The following CORIN variants were observed in gnomAD, a reference collection of about 807,000 sequenced individuals.
The protein encoded by CORIN is atrial natriuretic peptide-converting enzyme.
Under a neutral mutation model 125.3 loss-of-function variants are expected in CORIN, and 117 were observed. The observed-to-expected ratio is 0.93, with a 90% confidence interval of 0.80 to 1.09. CORIN has a LOEUF of 1.09. CORIN is among the 50% of genes least tolerant of loss of function. The pLI is 0.00. For synonymous variants in CORIN, 450 were observed against 466.4 expected, an observed-to-expected ratio of 0.96 and a Z score of 0.45; for missense variants, 1,253 against 1,306.7, an observed-to-expected ratio of 0.96 and a Z score of 0.63.
intron 5 of CORIN, among the ~76,000 whole-genome samples, chr4:47,697,933 T>C (rs1726095586): frequency 6.6e-6 from 1 of 151,976 alleles, no homozygotes; most frequent in South Asian, 2.1e-4. Context: ...ACTGGAGATA[T>C]AACACACGCC....
chr4:47,788,982 C>T (rs1029535245), intron 2 of CORIN, among the ~76,000 whole-genome samples: 1 of 152,118 alleles, frequency 6.6e-6, no homozygotes. Flanking sequence ...TTTCCTTTAT[C>T]ATTTTAACCA....
At chr4:47,802,640 G>A (rs1308557795) in intron 2 of CORIN, among the ~76,000 whole-genome samples, 1 of 152,194 alleles carries the variant, frequency 6.6e-6, no homozygotes, top group Admixed American at 6.5e-5. Context: ...ACTTCAATCC[G>A]TGGCTCCAAG....
chr4:47,666,615 T>C (rs1009299426), intron 10 of CORIN, among the ~76,000 whole-genome samples: 6 of 152,108 alleles, frequency 3.9e-5, no homozygotes, highest in Non-Finnish European at 8.8e-5. Flanking sequence ...TGGGAGGTGA[T>C]GAGGTTTCAA....
rs532369486 is a variant in CORIN, at chr4:47,674,654, G to A, written c.1250-154C>T. The stretch of plus-strand genomic sequence containing the variant: ...AAAGTATTGAACGTACGTTGAATAG[G>A]TGCTTTCTGGATTCATTTTCCTGGT... On this transcript the variant is annotated intron_variant, in intron 9 of 21. Transcript: ENST00000273857. 9.7e-4 allele frequency among the ~76,000 whole-genome samples: 147 copies of A among 152,262 alleles called. 2 individuals are homozygous for A. Among genetic ancestry groups the A allele is most frequent in the African/African-American group, 3.2e-3 (132 of 41,556 alleles).
intron 19 of CORIN, among the ~76,000 whole-genome samples, chr4:47,607,326 T>C (rs765000821): frequency 3.0e-4 from 45 of 151,490 alleles, no homozygotes; most frequent in Non-Finnish European, 5.6e-4. Context: ...GAGAATGGCG[T>C]GAACCCGGGA....
At chr4:47,821,105 T>G (rs905902167) in intron 1 of CORIN, among the ~76,000 whole-genome samples, 2 of 151,888 alleles carry the variant, frequency 1.3e-5, no homozygotes, top group Non-Finnish European at 2.9e-5. Flanking sequence ...TGTGGTGACG[T>G]GTGCTTGTAG....
chr4:47,630,879 T>C (rs1722777768), intron 16 of CORIN, among the ~76,000 whole-genome samples: 1 of 152,070 alleles, frequency 6.6e-6, no homozygotes, highest in Non-Finnish European at 1.5e-5. Context: ...AATCTGTCTC[T>C]CTACCAAGAT....
chr4:47,656,020 CA>C lies in CORIN; in HGVS notation c.1736-2361del, dbSNP rs556267622. Among the ~76,000 whole-genome samples, 250 of 152,002 alleles carry C rather than the reference CA, an allele frequency of 1.6e-3. 2 individuals are homozygous for C. The highest frequency in any genetic ancestry group is 5.4e-3 in the African/African-American group (224 of 41,476). ...GTATTACCCTGAAACCAAAGCTAGA[CA>C]AAGACACATCAAAAAAAAGAAAACT... On this transcript the variant is annotated intron_variant, in intron 12 of 21. Transcript: ENST00000273857.
At chr4:47,680,398 A>T in intron 7 of CORIN, 147 bp from the exon 8 acceptor site, 1 of 595,694 alleles carries the variant, frequency 1.7e-6, no homozygotes. Flanking sequence ...GGCCCAATTA[A>T]AATGCCACGC....
At position 47,748,834 on chromosome 4, in the gene CORIN, T is replaced by C. The variant is rs575493288; in HGVS notation, c.618-4251A>G. On this transcript the variant is annotated intron_variant, in intron 4 of 21. Transcript: ENST00000273857. ...CTTAACTTTTGATTTTGAACTACTGTTAAACTTACAGAAAAGTTATAAAAA... is the reference window on the plus strand; with the variant it reads ...CTTAACTTTTGATTTTGAACTACTGCTAAACTTACAGAAAAGTTATAAAAA... Among the ~76,000 whole-genome samples, 25 of 152,302 alleles carry C rather than the reference T, an allele frequency of 1.6e-4. No homozygotes were observed. The South Asian group carries it at 5.0e-3, about 30-fold the overall frequency.
In CORIN at chr4:47,679,368, T is replaced by TCTC. The variant is rs1491481152; in HGVS notation, c.1132+772_1132+773insGAG. On this transcript the variant is annotated intron_variant, in intron 8 of 21. Transcript: ENST00000273857. ...ATTTATATTATTACTACGTTCTCTC[T>TCTC]TTTTTTTTTTTTAAAGATGGAGTTT... Among the ~76,000 whole-genome samples, 263 of 46,004 alleles carry TCTC rather than the reference T, an allele frequency of 5.7e-3. 1 individual carries two copies. Among genetic ancestry groups the TCTC allele is most frequent in the African/African-American group, 0.011 (245 of 22,978 alleles). 30.2% of individuals were successfully genotyped at this position (46,004 alleles called of 152,430 possible).
chr4:47,605,364 T>A (rs1721609286), intron 19 of CORIN, among the ~76,000 whole-genome samples: 1 of 152,096 alleles, frequency 6.6e-6, no homozygotes, highest in Non-Finnish European at 1.5e-5. Context: ...CCTCAACAAG[T>A]ACCTATTTAA....
chr4:47,770,949 G>C (rs572440900), intron 3 of CORIN, among the ~76,000 whole-genome samples: 1 of 152,028 alleles, frequency 6.6e-6, no homozygotes, highest in African/African-American at 2.4e-5. Context: ...AAGATCAAGC[G>C]ACCTATTGTA....
At chr4:47,613,684 C>T (rs1334676163) in intron 19 of CORIN, among the ~76,000 whole-genome samples, 2 of 150,774 alleles carry the variant, frequency 1.3e-5, no homozygotes, top group African/African-American at 2.4e-5. Flanking sequence ...TGGAAATCAT[C>T]ATTCTCAGTA....
chr4:47,667,172 CCAT>C (rs1724518004), intron 10 of CORIN, among the ~76,000 whole-genome samples: 1 of 152,202 alleles, frequency 6.6e-6, no homozygotes, highest in African/African-American at 2.4e-5. Context: ...TTGTCTGCCA[CCAT>C]GTGAGACGTG....
rs184317037 is a variant in CORIN at position 47,718,156 on chromosome 4, C to T, written c.800-25073G>A. Among the ~76,000 whole-genome samples, 62 of 152,290 alleles carry T rather than the reference C, an allele frequency of 4.1e-4. No individual in the cohort carries two copies. In the East Asian group the frequency reaches 9.4e-3, roughly 23 times the overall value. ...CACAAAGCACTATCTCATTAGACTT[C>T]GTTTCCAAAAGTCTATTTTCTTTCC... is the stretch of plus-strand genomic sequence containing the variant. On this transcript the variant is annotated intron_variant, in intron 5 of 21. Coordinates refer to ENST00000273857, the MANE Select transcript of CORIN (RefSeq NM_006587.4).
intron 6 of CORIN, among the ~76,000 whole-genome samples, chr4:47,687,184 T>A (rs1413041702): frequency 6.6e-6 from 1 of 152,166 alleles, no homozygotes; most frequent in Non-Finnish European, 1.5e-5. Context: ...ATCTGTTACT[T>A]CCCTAAGGTC....
At chr4:47,769,893 C>A (rs1729938994) in intron 3 of CORIN, among the ~76,000 whole-genome samples, 1 of 151,968 alleles carries the variant, frequency 6.6e-6, no homozygotes, top group Admixed American at 6.6e-5. Flanking sequence ...CATGTAAAAC[C>A]TAAAACTATA....
In CORIN at chr4:47,646,043, CAAA is replaced by C. The variant is rs1165408037; in HGVS notation, c.1844-852_1844-850del. On this transcript the variant is annotated intron_variant, in intron 13 of 21. Transcript: ENST00000273857. ...GGCTCACCGCAACCTCCACCTGTCT[CAAA>C]AAAAAAAAAAAAAAAAAAAGTGACA... is the stretch of plus-strand genomic sequence containing the variant. Among the ~76,000 whole-genome samples the C allele has an allele frequency of 4.4e-3, 432 of 98,478 alleles. 2 individuals carry two copies. The highest frequency in any genetic ancestry group is 7.4e-3 in the African/African-American group (188 of 25,432). The allele number at this position is 98,478 out of a possible 152,430, so 64.6% of individuals were successfully genotyped here.
Sources: allele counts gnomAD v4.1 joint callset (sites outside exome capture counted in the v4.1 genomes callset), GRCh38; gene constraint gnomAD v4.1.1; transcripts MANE v1.5; gene names NCBI Gene and HGNC (gene_info 2026-07-23, HGNC 2026-07-21).